PANX1: variants seen among roughly 807,000 people sequenced by gnomAD.
PANX1 encodes pannexin 1, also known as pannexin-1.
In PANX1, 30 loss-of-function variants were observed where a neutral mutation model predicts 38.7. The observed-to-expected ratio is 0.78, with a 90% CI of 0.58 to 1.05. PANX1 has a LOEUF of 1.05. PANX1 is among the 50% of genes least tolerant of loss of function. PANX1 has a pLI of 0.00. For synonymous variants in PANX1, 230 were observed against 212.2 expected, an observed-to-expected ratio of 1.08 and a Z score of -0.73; for missense variants, 551 against 517.2, an observed-to-expected ratio of 1.07 and a Z score of -0.63.
chr11:94,166,424 G>A (rs1947101837), intron 2 of PANX1, among the ~76,000 whole-genome samples: 1 of 152,126 alleles, frequency 6.6e-6, no homozygotes, highest in African/African-American at 2.4e-5. Context: ...AACTTTGCTG[G>A]TGATGATATT....
intron 2 of PANX1, among the ~76,000 whole-genome samples, chr11:94,155,624 C>T (rs60647683): frequency 0.046 from 7,004 of 152,182 alleles, 305 homozygotes; most frequent in East Asian, 0.23. Context: ...TCTTCATCCT[C>T]GTTGTCTTTA....
At chr11:94,154,498 G>A (rs937175893) in intron 2 of PANX1, among the ~76,000 whole-genome samples, 1 of 152,130 alleles carries the variant, frequency 6.6e-6, no homozygotes, top group Non-Finnish European at 1.5e-5. Context: ...GTATCTTCTG[G>A]TATTCTTTTC....
At chr11:94,144,994 A>T (rs1200351946) in intron 1 of PANX1, among the ~76,000 whole-genome samples, 1 of 152,180 alleles carries the variant, frequency 6.6e-6, no homozygotes, top group Non-Finnish European at 1.5e-5. Context: ...TCTGTGATGG[A>T]AAGGAGCTCA....
At chr11:94,140,915 C>G (rs1164709087) in intron 1 of PANX1, among the ~76,000 whole-genome samples, 1 of 152,014 alleles carries the variant, frequency 6.6e-6, no homozygotes, top group Non-Finnish European at 1.5e-5. Flanking sequence ...GCATTATTTT[C>G]TATTTTTGAA....
chr11:94,165,570 C>T (rs1947093786), intron 2 of PANX1, among the ~76,000 whole-genome samples: 2 of 152,156 alleles, frequency 1.3e-5, no homozygotes, highest in Non-Finnish European at 2.9e-5. Context: ...TGCCATGAGG[C>T]TGCACATGAG....
chr11:94,132,722 C>A (rs959318589), intron 1 of PANX1, among the ~76,000 whole-genome samples: 1 of 152,068 alleles, frequency 6.6e-6, no homozygotes, highest in Non-Finnish European at 1.5e-5. Context: ...TATAAAATCC[C>A]CTCAAGCGTA....
chr11:94,134,694 C>T (rs1008414053), intron 1 of PANX1, among the ~76,000 whole-genome samples: 2 of 146,608 alleles, frequency 1.4e-5, no homozygotes, highest in African/African-American at 2.5e-5. Flanking sequence ...CTTTCCCTCT[C>T]TCTCCCACTA....
chr11:94,174,501 C>A (rs116916263), intron 2 of PANX1, among the ~76,000 whole-genome samples: 1 of 151,546 alleles, frequency 6.6e-6, no homozygotes, highest in Non-Finnish European at 1.5e-5. Context: ...CAGGTGTTAC[C>A]TCTTTTATGA....
intron 2 of PANX1, among the ~76,000 whole-genome samples, chr11:94,162,046 C>A (rs1038087558): frequency 6.6e-6 from 1 of 152,162 alleles, no homozygotes; most frequent in African/African-American, 2.4e-5. Context: ...TACTGGTGAG[C>A]AGCAAATGTT....
chr11:94,179,571 C>G, intron 3 of PANX1, 31 bp from the exon 4 acceptor site: 7 of 1,554,412 alleles, frequency 4.5e-6, no homozygotes, highest in Non-Finnish European at 5.3e-6. Flanking sequence ...TGATGAGTGC[C>G]TAAGTTATTT....
intron 1 of PANX1, among the ~76,000 whole-genome samples, chr11:94,137,119 C>A (rs568053434): frequency 4.6e-5 from 7 of 152,214 alleles, no homozygotes; most frequent in Admixed American, 2.0e-4. Flanking sequence ...TCCTGGCCAA[C>A]GTGATGAAAC....
At chr11:94,158,681 A>G (rs1200430222) in intron 2 of PANX1, among the ~76,000 whole-genome samples, 2 of 152,224 alleles carry the variant, frequency 1.3e-5, no homozygotes, top group Non-Finnish European at 2.9e-5. Context: ...ATATACAATC[A>G]TGTCATCTGC....
At chr11:94,141,416 T>G (rs1258759289) in intron 1 of PANX1, among the ~76,000 whole-genome samples, 1 of 152,204 alleles carries the variant, frequency 6.6e-6, no homozygotes, top group Non-Finnish European at 1.5e-5. Context: ...CTGGGCTCAC[T>G]GTGACACTTG....
intron 1 of PANX1, among the ~76,000 whole-genome samples, chr11:94,135,365 C>G (rs1179611914): frequency 6.6e-6 from 1 of 152,238 alleles, no homozygotes; most frequent in Non-Finnish European, 1.5e-5. Flanking sequence ...ATATAGTTTG[C>G]TTGGAGTTCC....
At chr11:94,148,771 A>G (rs996604698) in intron 1 of PANX1, among the ~76,000 whole-genome samples, 7 of 152,140 alleles carry the variant, frequency 4.6e-5, no homozygotes, top group Non-Finnish European at 1.0e-4. Context: ...AATCATGTGT[A>G]TATGCTAATG....
chr11:94,180,091 C>A lies in PANX1; in HGVS notation c.1035C>A (p.Tyr345Ter), dbSNP rs1947288207. The A allele has an allele frequency of 3.7e-6, 6 of 1,613,972 alleles. No homozygotes were observed. Among genetic ancestry groups the A allele is most frequent in the Non-Finnish European group, 5.1e-6 (6 of 1,179,932 alleles). Residue 345 changes from tyrosine (Y) to a stop codon, truncating the protein, a stop_gained, in exon 4 of 5, where the codon TAC becomes TAA. Coordinates refer to ENST00000227638, the MANE Select transcript of PANX1 (RefSeq NM_015368.4). LOFTEE classifies it high-confidence loss of function. ...LEENISEVKS[Y>*]KCLKVLENIK... The stretch of plus-strand genomic sequence containing the variant: ...AAAATATAAGTGAGGTCAAGTCATA[C>A]AAGTGTCTTAAGGTACTGGAGAATA...
At chr11:94,163,077 G>A (rs982621503) in intron 2 of PANX1, among the ~76,000 whole-genome samples, 6 of 152,020 alleles carry the variant, frequency 3.9e-5, no homozygotes, top group Non-Finnish European at 5.9e-5. Context: ...TCAAACTCCC[G>A]AGTTCAAGAG....
At chr11:94,169,328 G>GT (rs1480626736) in intron 2 of PANX1, among the ~76,000 whole-genome samples, 2 of 151,562 alleles carry the variant, frequency 1.3e-5, no homozygotes, top group East Asian at 3.9e-4. Flanking sequence ...GAAAGGCAGG[G>GT]TATCTTGTAA....
At chr11:94,134,640 C>G (rs1476897260) in intron 1 of PANX1, among the ~76,000 whole-genome samples, 2 of 140,838 alleles carry the variant, frequency 1.4e-5, no homozygotes, top group Non-Finnish European at 3.1e-5. Flanking sequence ...TTCTCTCCCC[C>G]CTCCCTCTTC....
Sources: gnomAD v4.1 joint callset for allele counts (sites outside exome capture counted in the v4.1 genomes callset) on GRCh38, gnomAD v4.1.1 for gene constraint, MANE v1.5 for transcripts, NCBI Gene and HGNC (gene_info 2026-07-23, HGNC 2026-07-21) for gene names.